The following DHRS7B variants were observed in gnomAD, a reference collection of about 807,000 sequenced individuals.
The protein encoded by DHRS7B is dehydrogenase/reductase 7B, also known as peroxisomal reductase activating PPAR-gamma.
DHRS7B carries 24 observed loss-of-function variants against 26.4 expected under a neutral mutation model. The observed-to-expected ratio is 0.91, with a 90% CI of 0.66 to 1.28. The LOEUF (loss-of-function observed/expected upper bound fraction) is 1.28, where lower values mean the gene tolerates loss of function less well. Among genes scored for constraint, DHRS7B ranks in the 50% most tolerant of loss-of-function variants. The probability of loss-of-function intolerance (pLI) is 0.00; values close to 1 mark genes in which losing one functional copy is unlikely to be tolerated. For missense variants in DHRS7B, 368 were observed against 419.4 expected (o/e 0.88, Z 1.07); for synonymous variants, 142 against 166.4 (o/e 0.85, Z 1.13).
rs1201179008 is a variant in DHRS7B, at chr17:21,176,559, C to CCA, written c.200-1672_200-1671dup. 4.6e-5 allele frequency among the ~76,000 whole-genome samples: 7 copies of CCA among 152,102 alleles called. No individual in the cohort carries two copies. The South Asian group carries it at 8.3e-4, about 18-fold the overall frequency. The stretch of plus-strand genomic sequence containing the variant: ...GAGGCTACAGTGAACTATAATTGTG[C>CCA]CACTGCACTCCAGCCTGAGCAACAG... On this transcript the variant is annotated intron_variant, in intron 2 of 6. Coordinates refer to ENST00000395511, the MANE Select transcript of DHRS7B (RefSeq NM_015510.5).
intron 2 of DHRS7B, 61 bp from the exon 3 acceptor site, chr17:21,178,172 G>T: frequency 6.6e-7 from 1 of 1,520,858 alleles, no homozygotes; most frequent in South Asian, 1.1e-5. Context: ...AACGCTGGGT[G>T]AATTTAAACT....
intron 1 of DHRS7B, among the ~76,000 whole-genome samples, chr17:21,156,524 G>C (rs945302747): frequency 5.3e-5 from 8 of 151,992 alleles, no homozygotes; most frequent in African/African-American, 1.5e-4. Flanking sequence ...AGAATCGCTT[G>C]AACCTGGGAG....
intron 1 of DHRS7B, among the ~76,000 whole-genome samples, chr17:21,152,117 CTCTTT>C (rs1973785146): frequency 6.6e-6 from 1 of 152,168 alleles, no homozygotes; most frequent in Non-Finnish European, 1.5e-5. Flanking sequence ...CCAATTAAAT[CTCTTT>C]TCTTTATGAA....
intron 1 of DHRS7B, 149 bp downstream of exon 1, chr17:21,127,140 C>A: frequency 1.3e-6 from 1 of 795,182 alleles, no homozygotes; most frequent in Non-Finnish European, 1.8e-6. Flanking sequence ...CCCGCGACGC[C>A]GAACTCTGAA....
At position 21,183,579 on chromosome 17, in the gene DHRS7B, G is replaced by A. The variant is rs1021838703; in HGVS notation, c.310-15G>A. Reference sequence around the variant, plus strand: ...CCACTCAGAAAGTGAATTTGTATCTGTTGTATTTGACCAGGTGCAGACACA... The same window carrying A: ...CCACTCAGAAAGTGAATTTGTATCTATTGTATTTGACCAGGTGCAGACACA... On this transcript the variant is annotated splice_polypyrimidine_tract_variant and intron_variant, in intron 3 of 6. Transcript: ENST00000395511. The A allele has an allele frequency of 1.2e-6, 2 of 1,611,672 alleles. No individual in the cohort carries two copies. The highest frequency in any genetic ancestry group is 1.7e-6 in the Non-Finnish European group (2 of 1,179,702).
chr17:21,153,153 T>C (rs1973808974), intron 1 of DHRS7B, among the ~76,000 whole-genome samples: 1 of 152,152 alleles, frequency 6.6e-6, no homozygotes, highest in African/African-American at 2.4e-5. Context: ...AATGGAAAAG[T>C]AGACAACATG....
intron 1 of DHRS7B, among the ~76,000 whole-genome samples, chr17:21,154,946 A>C (rs1973847079): frequency 1.3e-5 from 2 of 152,304 alleles, no homozygotes; most frequent in Middle Eastern, 3.4e-3. Context: ...ACTCTAGGGC[A>C]ACCACTAAAA....
At chr17:21,167,371 G>A (rs996849870) in intron 1 of DHRS7B, among the ~76,000 whole-genome samples, 1 of 152,172 alleles carries the variant, frequency 6.6e-6, no homozygotes, top group East Asian at 1.9e-4. Context: ...TGGGTCTAGA[G>A]CTCATGGATC....
chr17:21,181,362 A>G lies in DHRS7B; in HGVS notation c.310-2232A>G, dbSNP rs897200974. ...TACCCTCCCAAAATGCCAGGATTAC[A>G]GGAGTGAGCCACTGCGCCTCGCCGG... On this transcript the variant is annotated intron_variant, in intron 3 of 6. Coordinates refer to ENST00000395511, the MANE Select transcript of DHRS7B (RefSeq NM_015510.5). 5.3e-5 allele frequency among the ~76,000 whole-genome samples: 8 copies of G among 152,348 alleles called. No individual in the cohort carries two copies. The East Asian group carries it at 1.5e-3, about 29-fold the overall frequency.
intron 1 of DHRS7B, among the ~76,000 whole-genome samples, chr17:21,156,495 C>G (rs539066356): frequency 6.6e-6 from 1 of 151,824 alleles, no homozygotes; most frequent in Non-Finnish European, 1.5e-5. Context: ...ATCCCAGCTA[C>G]TTGGGAGGCT....
chr17:21,173,127 G>A (rs1215100157), intron 2 of DHRS7B, among the ~76,000 whole-genome samples: 1 of 152,260 alleles, frequency 6.6e-6, no homozygotes, highest in African/African-American at 2.4e-5. Context: ...AGAACAAACA[G>A]ATGAAAGACA....
intron 3 of DHRS7B, 77 bp from the exon 4 acceptor site, chr17:21,183,517 C>T: frequency 7.3e-7 from 1 of 1,361,724 alleles, no homozygotes; most frequent in South Asian, 1.2e-5. Flanking sequence ...TGTTTTGAGG[C>T]TAAGTGATCC....
chr17:21,183,699 C>T lies in DHRS7B; in HGVS notation c.415C>T (p.Leu139Phe), dbSNP rs374662243. Reference sequence around the variant, plus strand: ...GCAGTGCTTTGGCTATGTCGACATACTTGTCAACAATGCTGGGATCAGCTA... The same window carrying T: ...GCAGTGCTTTGGCTATGTCGACATATTTGTCAACAATGCTGGGATCAGCTA... ...ILQCFGYVDILVNNAGISYRG... is the reference protein window; with the variant it reads ...ILQCFGYVDIFVNNAGISYRG... The change falls in exon 4 of 7, where the codon CTT (leucine) becomes TTT (phenylalanine). Residue 139 changes from leucine (L) to phenylalanine (F), a missense_variant. By Grantham distance (22) the Leu-to-Phe change is conservative. Transcript: ENST00000395511. 19 of 1,614,058 alleles carry T rather than the reference C, an allele frequency of 1.2e-5. No individual in the cohort carries two copies. Among genetic ancestry groups the T allele is most frequent in the Non-Finnish European group, 1.4e-5 (17 of 1,180,014 alleles).
intron 1 of DHRS7B, among the ~76,000 whole-genome samples, chr17:21,135,618 TTTG>T (rs1973323850): frequency 6.6e-6 from 1 of 152,196 alleles, no homozygotes; most frequent in Non-Finnish European, 1.5e-5. Flanking sequence ...GCCAATTAAA[TTTG>T]TTTTTTAAAA....
At chr17:21,134,044 A>C (rs1973292305) in intron 1 of DHRS7B, among the ~76,000 whole-genome samples, 1 of 152,250 alleles carries the variant, frequency 6.6e-6, no homozygotes, top group African/African-American at 2.4e-5. Context: ...AAGGAAAAAA[A>C]CTGAAAACAT....
intron 2 of DHRS7B, among the ~76,000 whole-genome samples, chr17:21,176,333 G>A (rs1390483527): frequency 6.6e-6 from 1 of 151,972 alleles, no homozygotes; most frequent in African/African-American, 2.4e-5. Flanking sequence ...AGGCACAGTG[G>A]CTCATGCCTG....
At chr17:21,140,875 T>G (rs1973491912) in intron 1 of DHRS7B, among the ~76,000 whole-genome samples, 1 of 152,186 alleles carries the variant, frequency 6.6e-6, no homozygotes, top group Admixed American at 6.5e-5. Flanking sequence ...CATTCTTCGA[T>G]TATTTGCTTC....
intron 1 of DHRS7B, among the ~76,000 whole-genome samples, chr17:21,157,574 G>A (rs1376727600): frequency 1.3e-5 from 2 of 152,150 alleles, no homozygotes; most frequent in Non-Finnish European, 2.9e-5. Context: ...TACACCTGTG[G>A]TCTCAGCTAC....
chr17:21,145,184 C>T (rs1402796625), intron 1 of DHRS7B, among the ~76,000 whole-genome samples: 6 of 152,048 alleles, frequency 3.9e-5, no homozygotes, highest in South Asian at 2.1e-4. Flanking sequence ...ATTAGCCAGG[C>T]ATGGTGGCGG....
Sources: allele counts gnomAD v4.1 joint callset (sites outside exome capture counted in the v4.1 genomes callset), GRCh38; gene constraint gnomAD v4.1.1; transcripts MANE v1.5; gene names NCBI Gene and HGNC (gene_info 2026-07-23, HGNC 2026-07-21).